CUX1: variants seen among roughly 807,000 people sequenced by gnomAD.
CUX1 encodes the protein cut like homeobox 1, also known as protein CASP.
CUX1 carries 31 observed loss-of-function variants against 158.8 expected under a neutral mutation model. That is an observed-to-expected ratio of 0.20 (90% CI 0.15 to 0.26). CUX1 has a LOEUF of 0.26. CUX1 is among the 10% of genes least tolerant of loss of function. The pLI is 1.00. For synonymous variants in CUX1, 879 were observed against 862.1 expected, an observed-to-expected ratio of 1.02 and a Z score of -0.34; for missense variants, 1,589 against 2,014.6, an observed-to-expected ratio of 0.79 and a Z score of 4.04.
intron 3 of CUX1, among the ~76,000 whole-genome samples, chr7:102,030,691 G>GGTTTTTTTTTTTTTTTTTTT (rs537970250): frequency 8.4e-6 from 1 of 119,386 alleles, no homozygotes; most frequent in African/African-American, 3.1e-5. Context: ...TTTAAAAAGT[G>GGTTTTTTTTTTTTTTTTTTT]TTTTTTTTTT....
intron 2 of CUX1, among the ~76,000 whole-genome samples, chr7:102,018,374 G>A (rs1229375551): frequency 1.3e-5 from 2 of 152,194 alleles, no homozygotes; most frequent in African/African-American, 2.4e-5. Context: ...GCCTGAATTT[G>A]GCTTCTCCCA....
intron 4 of CUX1, among the ~76,000 whole-genome samples, chr7:102,090,235 C>CT (rs1828400200): frequency 1.3e-5 from 2 of 152,052 alleles, no homozygotes; most frequent in Non-Finnish European, 2.9e-5. Flanking sequence ...GGTTGAGTGT[C>CT]TTTTATCCAA....
chr7:102,216,535 CA>C lies in CUX1; in HGVS notation c.3131-10831del, dbSNP rs782341592. On this transcript the variant is annotated intron_variant, in intron 20 of 23. Transcript: ENST00000292535. Reference sequence around the variant, plus strand: ...GCGCGCACACACACACTCTCCCCCCCACACACACACACCCACACACGCACAC... The same window carrying C: ...GCGCGCACACACACACTCTCCCCCCCCACACACACACCCACACACGCACAC... Among the ~76,000 whole-genome samples the C allele has an allele frequency of 1.9e-3, 119 of 64,028 alleles. 4 individuals carry two copies. The highest frequency in any genetic ancestry group is 7.5e-3 in the African/African-American group (101 of 13,422). 42.0% of individuals were successfully genotyped at this position (64,028 alleles called of 152,430 possible).
At chr7:101,829,610 C>T (rs1158169196) in intron 1 of CUX1, among the ~76,000 whole-genome samples, 3 of 150,754 alleles carry the variant, frequency 2.0e-5, no homozygotes, top group South Asian at 2.1e-4. Flanking sequence ...GGGACCTCTT[C>T]TCAGGGGCCG....
chr7:102,278,009 G>A (rs782127379), exon 18 of CUX1: 24 of 1,605,214 alleles, frequency 1.5e-5, no homozygotes, highest in South Asian at 3.3e-5. Context: ...CAGCCTGCGC[G>A]CCGACAACAT....
rs1790100056 is a variant in CUX1, at chr7:102,258,086, G to C, written c.*9044G>C. 1.0e-6 allele frequency: 1 copy of C among 985,192 alleles called. No individual in the cohort carries two copies. The highest frequency in any genetic ancestry group is 6.2e-5 in the Admixed American group (1 of 16,260). 61.0% of individuals were successfully genotyped at this position (985,192 alleles called of 1,614,324 possible). A position where few individuals can be genotyped will look rare whatever the true frequency, so the allele number is the denominator to read the frequency against. Reference sequence around the variant, plus strand: ...GGTGTTGTCCCTCTGTCTTTGGTTAGCCATACGATGTTTGTTCTCAGCACT... The same window carrying C: ...GGTGTTGTCCCTCTGTCTTTGGTTACCCATACGATGTTTGTTCTCAGCACT... On this transcript the variant is annotated 3_prime_UTR_variant, in exon 24 of 24. Transcript: ENST00000292535.
chr7:102,201,215 A>T lies in CUX1; in HGVS notation c.2063-145A>T. The T allele has an allele frequency of 8.0e-7, 1 of 1,244,020 alleles. No homozygotes were observed. The highest frequency in any genetic ancestry group is 1.1e-6 in the Non-Finnish European group (1 of 898,046). 77.1% of individuals were successfully genotyped at this position (1,244,020 alleles called of 1,614,324 possible). On this transcript the variant is annotated intron_variant, in intron 17 of 23. Coordinates refer to ENST00000292535, the MANE Select transcript of CUX1 (RefSeq NM_181552.4). The surrounding 1 kb of genome is among the most constrained non-coding windows in gnomAD (Gnocchi z 5.0). ...TTGAGACAAGATGCCTGAATGTTTC[A>T]CTGACAGGGGCCATGCTGGGGAAAT... is the stretch of plus-strand genomic sequence containing the variant.
chr7:102,045,437 C>T (rs540217538), intron 3 of CUX1, among the ~76,000 whole-genome samples: 1 of 152,358 alleles, frequency 6.6e-6, no homozygotes, highest in African/African-American at 2.4e-5. Flanking sequence ...CCACTGCGCC[C>T]GCGCGCCCCC....
chr7:102,103,417 TTCTC>T lies in CUX1; in HGVS notation c.407-904_407-901del, dbSNP rs534006579. ...TCCCTCTCTTTCTTTTGCTCTCCGT[TTCTC>T]TCTCTCTCTCTCTCACTCACTCACT... is the stretch of plus-strand genomic sequence containing the variant. On this transcript the variant is annotated intron_variant, in intron 5 of 23. Coordinates refer to ENST00000292535, the MANE Select transcript of CUX1 (RefSeq NM_181552.4). 1.5e-3 allele frequency among the ~76,000 whole-genome samples: 214 copies of T among 146,368 alleles called. 1 individual carries two copies. The highest frequency in any genetic ancestry group is 5.2e-3 in the African/African-American group (207 of 39,818).
chr7:102,049,886 C>T (rs1394405655), intron 3 of CUX1, among the ~76,000 whole-genome samples: 1 of 152,118 alleles, frequency 6.6e-6, no homozygotes, highest in Non-Finnish European at 1.5e-5. Flanking sequence ...GGCATCCCCA[C>T]AGAGCACACA....
Position 102,253,411 on chromosome 7 carries a change from G to A in CUX1, c.*4369G>A, listed in dbSNP as rs2132671668. On this transcript the variant is annotated 3_prime_UTR_variant, in exon 24 of 24. Transcript: ENST00000292535. ...CCACAGCCAGGCCCTAAAAAGAGAG[G>A]GGAACAGGAGTCCCCAGGTGAGCTC... is the stretch of plus-strand genomic sequence containing the variant. 1.0e-5 allele frequency: 10 copies of A among 985,430 alleles called. No homozygotes were observed. Among genetic ancestry groups the A allele is most frequent in the Non-Finnish European group, 1.2e-5 (10 of 829,952 alleles). 61.0% of individuals were successfully genotyped at this position (985,430 alleles called of 1,614,324 possible).
At chr7:101,924,920 A>G (rs1177648030) in intron 2 of CUX1, among the ~76,000 whole-genome samples, 1 of 151,628 alleles carries the variant, frequency 6.6e-6, no homozygotes, top group Non-Finnish European at 1.5e-5. Flanking sequence ...ATCATCGGCT[A>G]CTCCTTGATA....
At chr7:102,076,235 A>G (rs1191419600) in intron 4 of CUX1, among the ~76,000 whole-genome samples, 2 of 152,074 alleles carry the variant, frequency 1.3e-5, no homozygotes, top group Admixed American at 1.3e-4. Flanking sequence ...AATACAAGAC[A>G]TTAGGTGGGC....
chr7:102,152,880 C>G (rs1835847429), intron 8 of CUX1, among the ~76,000 whole-genome samples: 1 of 152,188 alleles, frequency 6.6e-6, no homozygotes, highest in Non-Finnish European at 1.5e-5. Context: ...TCGTCATTGT[C>G]ATTCGAAAGC....
chr7:102,122,484 A>G (rs1832153481), intron 8 of CUX1, among the ~76,000 whole-genome samples: 1 of 151,432 alleles, frequency 6.6e-6, no homozygotes, highest in African/African-American at 2.4e-5. Flanking sequence ...ATTTTGCTCC[A>G]CACCTAAAAA....
chr7:102,112,483 C>T (rs782699406), intron 7 of CUX1, among the ~76,000 whole-genome samples: 51 of 152,216 alleles, frequency 3.4e-4, no homozygotes, highest in Non-Finnish European at 4.0e-4. Context: ...CCTCATGATC[C>T]GCCCACCTCA....
chr7:102,036,153 G>T (rs918461660), intron 3 of CUX1, among the ~76,000 whole-genome samples: 4 of 151,960 alleles, frequency 2.6e-5, no homozygotes, highest in African/African-American at 2.4e-5. Context: ...TTTTAGTAAA[G>T]ACGGTTTCGC....
intron 8 of CUX1, among the ~76,000 whole-genome samples, chr7:102,119,577 C>G (rs1831816774): frequency 6.6e-6 from 1 of 152,212 alleles, no homozygotes; most frequent in South Asian, 2.1e-4. Context: ...ATTCCTTAGA[C>G]AAATGGCAAG....
At chr7:102,186,602 T>TTA (rs1554515396) in intron 11 of CUX1, among the ~76,000 whole-genome samples, 3 of 151,336 alleles carry the variant, frequency 2.0e-5, no homozygotes, top group South Asian at 2.1e-4. Context: ...TATATTTTTT[T>TTA]TTATTTATGC....
Sources: allele counts gnomAD v4.1 joint callset (sites outside exome capture counted in the v4.1 genomes callset), GRCh38; gene constraint gnomAD v4.1.1; non-coding constraint Gnocchi (gnomAD v3.1); transcripts MANE v1.5; gene names NCBI Gene and HGNC (gene_info 2026-07-23, HGNC 2026-07-21).